The following LEF1 variants were observed in gnomAD, a reference collection of about 807,000 sequenced individuals.
LEF1 encodes the protein lymphoid enhancer binding factor 1, also known as lymphoid enhancer-binding factor 1.
In LEF1, 14 loss-of-function variants were observed where a neutral mutation model predicts 51.2. The ratio of observed to expected loss-of-function variants is 0.27; its 90% confidence interval spans 0.18 to 0.43. The LOEUF is 0.43. Among genes scored for constraint, LEF1 ranks in the 20% least tolerant of loss-of-function variants. LEF1 has a pLI of 1.00. For synonymous variants in LEF1, 185 were observed against 183.2 expected, an observed-to-expected ratio of 1.01 and a Z score of -0.08; for missense variants, 386 against 512.0, an observed-to-expected ratio of 0.75 and a Z score of 2.37.
At chr4:108,136,112 G>T (rs561769462) in intron 3 of LEF1, among the ~76,000 whole-genome samples, 6 of 152,068 alleles carry the variant, frequency 3.9e-5, no homozygotes, top group African/African-American at 1.4e-4. Context: ...AACAAGTTAT[G>T]GTAGACAAGA....
At chr4:108,149,019 G>T (rs546548049) in intron 3 of LEF1, among the ~76,000 whole-genome samples, 4 of 152,162 alleles carry the variant, frequency 2.6e-5, no homozygotes, top group Non-Finnish European at 5.9e-5. Context: ...GATCTTAATT[G>T]TGCAGGAGTA....
chr4:108,060,391 C>G (rs1737593555), intron 11 of LEF1, among the ~76,000 whole-genome samples: 1 of 152,152 alleles, frequency 6.6e-6, no homozygotes, highest in South Asian at 2.1e-4. Context: ...GAGGGAGAGA[C>G]AGACAGGGAT....
chr4:108,111,381 T>A (rs1177888781), intron 3 of LEF1, among the ~76,000 whole-genome samples: 1 of 152,184 alleles, frequency 6.6e-6, no homozygotes, highest in African/African-American at 2.4e-5. Flanking sequence ...ACCCAGCCAA[T>A]GAACTGCATC....
intron 3 of LEF1, among the ~76,000 whole-genome samples, chr4:108,132,653 A>C (rs1742967901): frequency 1.2e-5 from 1 of 86,688 alleles, no homozygotes; most frequent in African/African-American, 4.0e-5. Flanking sequence ...GAGAGCGAAA[A>C]TCTGCCTTTT....
chr4:108,140,215 A>G (rs1230965984), intron 3 of LEF1, among the ~76,000 whole-genome samples: 2 of 152,096 alleles, frequency 1.3e-5, no homozygotes, highest in Admixed American at 6.5e-5. Context: ...GGGAGGGGGG[A>G]AAAGCAACTT....
intron 3 of LEF1, among the ~76,000 whole-genome samples, chr4:108,105,622 A>G (rs1741114572): frequency 6.6e-6 from 1 of 152,232 alleles, no homozygotes. Context: ...TAATTTTAAT[A>G]ATGTTTCAAA....
At chr4:108,137,375 C>A (rs1394843013) in intron 3 of LEF1, among the ~76,000 whole-genome samples, 7 of 133,082 alleles carry the variant, frequency 5.3e-5, no homozygotes, top group Non-Finnish European at 1.1e-4. Context: ...AAAACTGATT[C>A]ATGCAATCAA....
At chr4:108,158,492 T>C (rs933132194) in intron 3 of LEF1, among the ~76,000 whole-genome samples, 10 of 152,282 alleles carry the variant, frequency 6.6e-5, no homozygotes, top group Admixed American at 3.3e-4. Context: ...GCTCTACTTT[T>C]ACCTGGGAAT....
chr4:108,126,861 T>C (rs1375284755), intron 3 of LEF1, among the ~76,000 whole-genome samples: 1 of 111,868 alleles, frequency 8.9e-6, no homozygotes, highest in African/African-American at 3.5e-5. Context: ...ACTCTATTAT[T>C]TACTGATATG....
intron 8 of LEF1, among the ~76,000 whole-genome samples, chr4:108,076,493 A>G (rs1447369992): frequency 6.6e-6 from 1 of 152,070 alleles, no homozygotes; most frequent in Admixed American, 6.6e-5. Flanking sequence ...CTCCTGCCTC[A>G]GCCTCCCGAG....
In LEF1 at chr4:108,078,375, G is replaced by C. The variant is rs200172564; in HGVS notation, c.853C>G (p.Gln285Glu). ...TCCTGCTCCTTTCTCTGTTCATGCT[G>C]AGGCTTCCTAAAAGGTGGTGGTGGT... ...TDSDLMHVKP[Q>E]HEQRKEQEPK... The change falls in exon 8 of 12, where the codon CAG becomes GAG. Residue 285 changes from glutamine (Q) to glutamate (E), a missense_variant. Around this residue, in one of 2 missense-constraint regions of LEF1, gnomAD observed 335 missense variants for 390.7 expected, o/e 0.86. Coordinates refer to ENST00000265165, the MANE Select transcript of LEF1 (RefSeq NM_016269.5). The C allele has an allele frequency of 1.2e-6, 2 of 1,614,148 alleles. No individual in the cohort carries two copies. Among genetic ancestry groups the C allele is most frequent in the Non-Finnish European group, 1.7e-6 (2 of 1,180,020 alleles).
rs188512709 is a variant in LEF1, at chr4:108,156,100, G to T, written c.414+7468C>A. On this transcript the variant is annotated intron_variant, in intron 3 of 11. Transcript: ENST00000265165. Reference sequence around the variant, plus strand: ...TGATTCTGAAACATACTTGAAGATGGTTTTCTTTTTACTAGTATTGTGTTT... The same window carrying T: ...TGATTCTGAAACATACTTGAAGATGTTTTTCTTTTTACTAGTATTGTGTTT... Among the ~76,000 whole-genome samples the T allele has an allele frequency of 1.4e-4, 21 of 152,278 alleles. No individual in the cohort carries two copies. The East Asian group carries it at 4.1e-3, about 29-fold the overall frequency.
intron 3 of LEF1, among the ~76,000 whole-genome samples, chr4:108,096,706 T>A (rs556175038): frequency 2.0e-5 from 3 of 152,280 alleles, no homozygotes; most frequent in Admixed American, 1.3e-4. Context: ...AAGGGATTAA[T>A]AACTAGAATA....
intron 3 of LEF1, among the ~76,000 whole-genome samples, chr4:108,089,633 T>C (rs1739877196): frequency 1.3e-5 from 2 of 152,196 alleles, no homozygotes; most frequent in Non-Finnish European, 2.9e-5. Flanking sequence ...TTTATGAATG[T>C]TTTACAACAT....
At position 108,167,050 on chromosome 4, in the gene LEF1, G is replaced by C. The variant is rs1448825954; in HGVS notation, c.213+505C>G. On this transcript the variant is annotated intron_variant, in intron 1 of 11. Transcript: ENST00000265165. This position sits in a 1 kb window ranked among gnomAD's most constrained non-coding sequence, Gnocchi z 5.7. ...GCCCCGCCTGCCCCAGCCCACGCCCGCCTCCCCTTCCTCCCGCCTGTGGCT... is the reference window on the plus strand; with the variant it reads ...GCCCCGCCTGCCCCAGCCCACGCCCCCCTCCCCTTCCTCCCGCCTGTGGCT... 3.3e-5 allele frequency among the ~76,000 whole-genome samples: 5 copies of C among 151,726 alleles called. No homozygotes were observed. Among genetic ancestry groups the C allele is most frequent in the African/African-American group, 1.2e-4 (5 of 41,288 alleles).
At chr4:108,122,763 G>A (rs1185632814) in intron 3 of LEF1, among the ~76,000 whole-genome samples, 1 of 152,038 alleles carries the variant, frequency 6.6e-6, no homozygotes, top group Admixed American at 6.6e-5. Flanking sequence ...TGAGAATAAA[G>A]GTGTGAGCCA....
intron 7 of LEF1, 21 bp downstream of exon 7, chr4:108,079,471 A>T: frequency 6.2e-7 from 1 of 1,613,866 alleles, no homozygotes; most frequent in Non-Finnish European, 8.5e-7. Context: ...CAATCACAGC[A>T]GAGCCCGGGT....
chr4:108,161,192 G>A (rs936173779), intron 3 of LEF1, among the ~76,000 whole-genome samples: 11 of 152,180 alleles, frequency 7.2e-5, no homozygotes, highest in African/African-American at 2.4e-4. Context: ...TTTGATCTCC[G>A]ACACATTAAA....
chr4:108,069,315 C>T (rs745452018), intron 9 of LEF1, among the ~76,000 whole-genome samples: 3 of 152,104 alleles, frequency 2.0e-5, no homozygotes, highest in Non-Finnish European at 4.4e-5. Flanking sequence ...ATAATAACTG[C>T]AAAATATTAA....
Sources: gnomAD v4.1 joint callset for allele counts (sites outside exome capture counted in the v4.1 genomes callset) on GRCh38, gnomAD v4.1.1 for gene constraint, gnomAD v4.1.1 regional missense constraint, Gnocchi (gnomAD v3.1) non-coding constraint, MANE v1.5 for transcripts, NCBI Gene and HGNC (gene_info 2026-07-23, HGNC 2026-07-21) for gene names.